Variants in ZDHHC2 observed in about 807,000 individuals in gnomAD.
ZDHHC2 encodes palmitoyltransferase ZDHHC2.
A neutral mutation model predicts 55.6 loss-of-function variants in ZDHHC2; 51 were observed. That is an observed-to-expected ratio of 0.92 (90% CI 0.73 to 1.16). The LOEUF is 1.16. Ranked by LOEUF, ZDHHC2 falls within the 50% of genes most tolerant of loss-of-function variation. ZDHHC2 has a pLI of 0.00. For synonymous variants in ZDHHC2, 199 were observed against 152.9 expected (o/e 1.30, Z -2.22); for missense variants, 491 against 442.4 (o/e 1.11, Z -0.99).
intron 1 of ZDHHC2, among the ~76,000 whole-genome samples, chr8:17,179,322 C>T (rs866145973): frequency 6.6e-6 from 1 of 152,194 alleles, no homozygotes; most frequent in African/African-American, 2.4e-5. Flanking sequence ...CCAGATAATA[C>T]AACTGGTGAC....
chr8:17,224,155 A>C lies in ZDHHC2; in HGVS notation c.*3934A>C, dbSNP rs1808030494. On this transcript the variant is annotated 3_prime_UTR_variant, in exon 13 of 13. Coordinates refer to ENST00000262096, the MANE Select transcript of ZDHHC2 (RefSeq NM_016353.5). The stretch of plus-strand genomic sequence containing the variant: ...GAGAATTGTTCTTATACCAGCAAAA[A>C]GTTCAAATACAATAACCTGGGCAAT... 6.6e-6 allele frequency: 1 copy of C among 151,754 alleles called. No individual in the cohort carries two copies. Among genetic ancestry groups the C allele is most frequent in the Non-Finnish European group, 1.5e-5 (1 of 67,712 alleles). 9.4% of individuals were successfully genotyped at this position (151,754 alleles called of 1,614,324 possible). A position where few individuals can be genotyped will look rare whatever the true frequency, so the allele number is the denominator to read the frequency against.
At chr8:17,204,538 A>C (rs1806992926) in intron 6 of ZDHHC2, among the ~76,000 whole-genome samples, 1 of 152,200 alleles carries the variant, frequency 6.6e-6, no homozygotes, top group Non-Finnish European at 1.5e-5. Flanking sequence ...CCTTGTCTTT[A>C]TGAAAAGGAA....
chr8:17,169,540 T>C (rs1011324404), intron 1 of ZDHHC2, among the ~76,000 whole-genome samples: 2 of 152,030 alleles, frequency 1.3e-5, no homozygotes, highest in African/African-American at 4.8e-5. Flanking sequence ...CGCAAACTGA[T>C]AAAGAGGAGT....
At chr8:17,185,142 A>G (rs1805646015) in intron 2 of ZDHHC2, among the ~76,000 whole-genome samples, 1 of 152,230 alleles carries the variant, frequency 6.6e-6, no homozygotes, top group African/African-American at 2.4e-5. Flanking sequence ...GGCTTTAGTC[A>G]TCTCACACCG....
intron 1 of ZDHHC2, chr8:17,162,686 GA>G (rs1265728443): frequency 1.3e-5 from 2 of 152,088 alleles, no homozygotes; most frequent in Non-Finnish European, 2.9e-5. Flanking sequence ...CAGCCTCTGG[GA>G]AAAAACCCAA....
At chr8:17,217,661 C>T (rs932331626) in intron 12 of ZDHHC2, among the ~76,000 whole-genome samples, 1 of 152,118 alleles carries the variant, frequency 6.6e-6, no homozygotes, top group Non-Finnish European at 1.5e-5. Flanking sequence ...AGTCGAAGTG[C>T]AATATAATTA....
chr8:17,205,584 C>G (rs1807058901), intron 6 of ZDHHC2, 71 bp from the exon 7 acceptor site: 1 of 1,435,500 alleles, frequency 7.0e-7, no homozygotes, highest in Admixed American at 2.8e-5. Flanking sequence ...AAGCTAAACA[C>G]TTGCTTGAGC....
chr8:17,158,336 A>G (rs1804168208), intron 1 of ZDHHC2, among the ~76,000 whole-genome samples: 2 of 152,250 alleles, frequency 1.3e-5, no homozygotes, highest in South Asian at 4.1e-4. Flanking sequence ...AACAGTGACC[A>G]GTATCGATTA....
intron 7 of ZDHHC2, among the ~76,000 whole-genome samples, chr8:17,206,371 G>T (rs1264858607): frequency 6.6e-6 from 1 of 152,098 alleles, no homozygotes; most frequent in Non-Finnish European, 1.5e-5. Context: ...CATAAAACAA[G>T]GTTACACACT....
chr8:17,176,856 AAATAT>A lies in ZDHHC2; in HGVS notation c.131-7927_131-7923del, dbSNP rs910762670. On this transcript the variant is annotated intron_variant, in intron 1 of 12. Transcript: ENST00000262096. ...ACAGTTTGACTTAAAGTATAATAAA[AAATAT>A]AATATGTAAAAATATATAAGTAGAT... Among the ~76,000 whole-genome samples, 138 of 152,220 alleles carry A rather than the reference AAATAT, an allele frequency of 9.1e-4. 1 individual carries two copies. The highest frequency in any genetic ancestry group is 2.2e-4 in the Non-Finnish European group (15 of 68,028).
intron 10 of ZDHHC2, among the ~76,000 whole-genome samples, chr8:17,213,466 G>C (rs1310119846): frequency 6.6e-6 from 1 of 151,944 alleles, no homozygotes; most frequent in African/African-American, 2.4e-5. Flanking sequence ...TGGCCAGGCT[G>C]GTCTCGAACT....
intron 12 of ZDHHC2, among the ~76,000 whole-genome samples, chr8:17,219,421 A>C (rs1427257967): frequency 1.3e-5 from 2 of 151,938 alleles, no homozygotes; most frequent in African/African-American, 4.8e-5. Flanking sequence ...CTAAAAAGTA[A>C]ATTAAATTTA....
intron 11 of ZDHHC2, among the ~76,000 whole-genome samples, chr8:17,216,858 A>G (rs1476168325): frequency 6.6e-6 from 1 of 152,114 alleles, no homozygotes; most frequent in East Asian, 1.9e-4. Flanking sequence ...TAGAGGAAGA[A>G]TTTGGAAACG....
chr8:17,219,113 G>A (rs550888020), intron 12 of ZDHHC2, among the ~76,000 whole-genome samples: 3 of 151,760 alleles, frequency 2.0e-5, no homozygotes, highest in Admixed American at 6.6e-5. Flanking sequence ...AGACGGATGT[G>A]GTGTGGCGCA....
At chr8:17,188,146 C>T (rs1437325755) in intron 3 of ZDHHC2, among the ~76,000 whole-genome samples, 1 of 152,170 alleles carries the variant, frequency 6.6e-6, no homozygotes, top group Non-Finnish European at 1.5e-5. Flanking sequence ...AATGGCCTAT[C>T]ATCTACTTTT....
In ZDHHC2 at chr8:17,221,684, C is replaced by G. The variant is rs1807924553; in HGVS notation, c.*1463C>G. The G allele has an allele frequency of 1.3e-5, 2 of 152,382 alleles. No homozygotes were observed. Among genetic ancestry groups the G allele is most frequent in the Admixed American group, 1.3e-4 (2 of 15,240 alleles). 9.4% of individuals were successfully genotyped at this position (152,382 alleles called of 1,614,324 possible). On this transcript the variant is annotated 3_prime_UTR_variant, in exon 13 of 13. Coordinates refer to ENST00000262096, the MANE Select transcript of ZDHHC2 (RefSeq NM_016353.5). ...AAAATATAGTTTTATATTAATTGTG[C>G]TTATGGAAGAAACAATGTCAGCCAA...
At chr8:17,216,690 G>T (rs990623134) in intron 11 of ZDHHC2, among the ~76,000 whole-genome samples, 3 of 152,104 alleles carry the variant, frequency 2.0e-5, no homozygotes, top group African/African-American at 7.2e-5. Context: ...ATTTTCACAT[G>T]CTATTATAAT....
intron 2 of ZDHHC2, among the ~76,000 whole-genome samples, chr8:17,185,759 C>T (rs762036651): frequency 9.9e-5 from 15 of 152,150 alleles, no homozygotes; most frequent in Admixed American, 2.0e-4. Flanking sequence ...AAAAAGTATT[C>T]AGAACACTTT....
chr8:17,182,123 A>G (rs1240683509), intron 1 of ZDHHC2, among the ~76,000 whole-genome samples: 2 of 152,210 alleles, frequency 1.3e-5, no homozygotes, highest in African/African-American at 4.8e-5. Flanking sequence ...AAATAAGTTA[A>G]TTTGCAAACT....
Sources: allele counts gnomAD v4.1 joint callset (sites outside exome capture counted in the v4.1 genomes callset), GRCh38; gene constraint gnomAD v4.1.1; transcripts MANE v1.5; gene names NCBI Gene and HGNC (gene_info 2026-07-23, HGNC 2026-07-21).